The following SPATS2L variants were observed in gnomAD, a reference collection of about 807,000 sequenced individuals.
The protein encoded by SPATS2L is SPATS2-like protein.
In SPATS2L, 30 loss-of-function variants were observed where a neutral mutation model predicts 59.6. That is an observed-to-expected ratio of 0.50 (90% CI 0.38 to 0.68). SPATS2L has a LOEUF of 0.68. SPATS2L is among the 30% of genes least tolerant of loss of function. The pLI is 0.00. For missense variants in SPATS2L, 615 were observed against 700.0 expected (o/e 0.88, Z 1.37); for synonymous variants, 252 against 263.5 (o/e 0.96, Z 0.42).
chr2:200,386,818 C>T (rs2082007085), intron 2 of SPATS2L, among the ~76,000 whole-genome samples: 2 of 152,162 alleles, frequency 1.3e-5, no homozygotes, highest in South Asian at 4.1e-4. Context: ...ATACCTCTCT[C>T]TCTCCTCCCC....
At chr2:200,327,569 A>G (rs1359721016) in intron 1 of SPATS2L, among the ~76,000 whole-genome samples, 10 of 152,238 alleles carry the variant, frequency 6.6e-5, no homozygotes, top group Non-Finnish European at 1.2e-4. Context: ...TTAATCCATA[A>G]ATGTTTAATA....
intron 2 of SPATS2L, among the ~76,000 whole-genome samples, chr2:200,373,493 A>G (rs1234726524): frequency 2.6e-5 from 4 of 152,130 alleles, no homozygotes; most frequent in Admixed American, 2.0e-4. Flanking sequence ...TTTTGAAGAC[A>G]TTTTTCTTTT....
At chr2:200,425,419 A>G (rs1213756498) in intron 6 of SPATS2L, among the ~76,000 whole-genome samples, 1 of 152,142 alleles carries the variant, frequency 6.6e-6, no homozygotes, top group Non-Finnish European at 1.5e-5. Flanking sequence ...CTCAAATGGA[A>G]GCAATACAAT....
At chr2:200,475,325 C>A (rs1418425305) in intron 12 of SPATS2L, among the ~76,000 whole-genome samples, 1 of 152,184 alleles carries the variant, frequency 6.6e-6, no homozygotes, top group East Asian at 1.9e-4. Flanking sequence ...GGTCTGATGA[C>A]ATGTGCCCAA....
chr2:200,418,163 A>G (rs1043032595), intron 5 of SPATS2L, among the ~76,000 whole-genome samples: 1 of 152,196 alleles, frequency 6.6e-6, no homozygotes, highest in Non-Finnish European at 1.5e-5. Flanking sequence ...AAATAAAATG[A>G]AGCCTTGTAA....
At chr2:200,309,775 C>T (rs7588060) in intron 1 of SPATS2L, among the ~76,000 whole-genome samples, 128 of 152,200 alleles carry the variant, frequency 8.4e-4, no homozygotes, top group African/African-American at 3.0e-3. Flanking sequence ...TTTCTTTTTT[C>T]TTCCCTTTTT....
At chr2:200,378,168 A>AT (rs1190208130) in intron 2 of SPATS2L, 1 of 972,122 alleles carries the variant, frequency 1.0e-6, no homozygotes, top group Non-Finnish European at 1.2e-6. Context: ...CCCCCTGCTG[A>AT]TTACTCAGCC....
In SPATS2L at chr2:200,479,588, C is replaced by T; in HGVS notation, c.*1557C>T. The T allele has an allele frequency of 2.5e-6, 1 of 398,622 alleles. No homozygotes were observed. The highest frequency in any genetic ancestry group is 4.4e-6 in the Non-Finnish European group (1 of 226,080). 24.7% of individuals were successfully genotyped at this position (398,622 alleles called of 1,614,324 possible). A position where few individuals can be genotyped will look rare whatever the true frequency, so the allele number is the denominator to read the frequency against. On this transcript the variant is annotated 3_prime_UTR_variant, in exon 13 of 13. Coordinates refer to ENST00000409140, the MANE Select transcript of SPATS2L (RefSeq NM_001100423.2). Reference sequence around the variant, plus strand: ...GAAAATGGATACCCAATGGCCCAAACCCAAAATAGCCCCAGTTCCCCTAAC... The same window carrying T: ...GAAAATGGATACCCAATGGCCCAAATCCAAAATAGCCCCAGTTCCCCTAAC...
At chr2:200,317,702 A>T (rs1271240574) in intron 1 of SPATS2L, among the ~76,000 whole-genome samples, 1 of 152,242 alleles carries the variant, frequency 6.6e-6, no homozygotes, top group African/African-American at 2.4e-5. Flanking sequence ...GAAAAAAGGC[A>T]TGTTTACATC....
chr2:200,313,810 C>G (rs940076551), intron 1 of SPATS2L, among the ~76,000 whole-genome samples: 10 of 152,178 alleles, frequency 6.6e-5, no homozygotes, highest in Non-Finnish European at 1.5e-4. Flanking sequence ...GGTCCATTAT[C>G]TAGGATTCTC....
intron 1 of SPATS2L, among the ~76,000 whole-genome samples, 173 bp downstream of exon 1, chr2:200,307,095 G>A (rs1331318749): frequency 6.6e-6 from 1 of 150,744 alleles, no homozygotes; most frequent in Non-Finnish European, 1.5e-5. Context: ...GCTCGGCGCC[G>A]AGGCGGGCTG....
At chr2:200,346,929 A>G (rs2080531153) in intron 2 of SPATS2L, among the ~76,000 whole-genome samples, 2 of 152,190 alleles carry the variant, frequency 1.3e-5, no homozygotes, top group South Asian at 4.1e-4. Context: ...GCTGCTGTAC[A>G]TGCTTGCAGA....
chr2:200,449,165 A>G (rs538594415), intron 8 of SPATS2L, among the ~76,000 whole-genome samples: 19 of 152,128 alleles, frequency 1.2e-4, no homozygotes, highest in African/African-American at 4.1e-4. Flanking sequence ...CTCTTTTCCT[A>G]TTTTCTTTCT....
At chr2:200,371,819 C>A (rs1218435102) in intron 2 of SPATS2L, among the ~76,000 whole-genome samples, 1 of 152,168 alleles carries the variant, frequency 6.6e-6, no homozygotes, top group Admixed American at 6.5e-5. Context: ...AGATGCTTCT[C>A]ATGAAGGTTG....
At chr2:200,463,105 G>A (rs973346000) in intron 9 of SPATS2L, 1 of 152,074 alleles carries the variant, frequency 6.6e-6, no homozygotes, top group African/African-American at 2.4e-5. Flanking sequence ...TCAAAAAATG[G>A]AAGTCAGGGG....
chr2:200,316,307 A>T (rs1319202177), intron 1 of SPATS2L, among the ~76,000 whole-genome samples: 1 of 152,140 alleles, frequency 6.6e-6, no homozygotes, highest in Non-Finnish European at 1.5e-5. Flanking sequence ...CTTGGTTTCA[A>T]CCTGGGCGGC....
At chr2:200,380,430 G>A (rs977700704) in intron 2 of SPATS2L, among the ~76,000 whole-genome samples, 1 of 152,220 alleles carries the variant, frequency 6.6e-6, no homozygotes, top group African/African-American at 2.4e-5. Context: ...AGCACTCGGG[G>A]CTGTTGAGTG....
At chr2:200,311,285 C>T (rs568329046) in intron 1 of SPATS2L, among the ~76,000 whole-genome samples, 1 of 151,908 alleles carries the variant, frequency 6.6e-6, no homozygotes, top group South Asian at 2.1e-4. Context: ...TTTTTTTTTC[C>T]CATTTTTCTT....
At chr2:200,312,041 T>C (rs1177875949) in intron 1 of SPATS2L, among the ~76,000 whole-genome samples, 2 of 152,176 alleles carry the variant, frequency 1.3e-5, no homozygotes, top group African/African-American at 4.8e-5. Context: ...CTTCTGAGCA[T>C]TGGTGGGCTG....
Sources: gnomAD v4.1 joint callset for allele counts (sites outside exome capture counted in the v4.1 genomes callset) on GRCh38, gnomAD v4.1.1 for gene constraint, MANE v1.5 for transcripts, NCBI Gene and HGNC (gene_info 2026-07-23, HGNC 2026-07-21) for gene names.